The following ATF7IP variants were observed in gnomAD, a reference collection of about 807,000 sequenced individuals.
The protein encoded by ATF7IP is activating transcription factor 7 interacting protein.
In ATF7IP, 23 loss-of-function variants were observed where a neutral mutation model predicts 106.4. The ratio of observed to expected loss-of-function variants is 0.22; its 90% CI spans 0.16 to 0.31. The LOEUF is 0.31. Among genes scored for constraint, ATF7IP ranks in the 10% least tolerant of loss-of-function variants. The probability of loss-of-function intolerance (pLI) is 1.00; values close to 1 mark genes in which losing one functional copy is unlikely to be tolerated. For synonymous variants in ATF7IP, 542 were observed against 539.0 expected, an observed-to-expected ratio of 1.01 and a Z score of -0.08; for missense variants, 1,334 against 1,524.3, an observed-to-expected ratio of 0.88 and a Z score of 2.08.
At chr12:14,478,132 A>G (rs1031123824) in intron 11 of ATF7IP, among the ~76,000 whole-genome samples, 185 bp from the exon 12 acceptor site, 3 of 152,232 alleles carry the variant, frequency 2.0e-5, no homozygotes, top group East Asian at 1.9e-4. Context: ...AGCAAATTAC[A>G]TATGCTCTTA....
intron 1 of ATF7IP, among the ~76,000 whole-genome samples, chr12:14,375,074 C>T (rs1255955916): frequency 6.6e-6 from 1 of 151,652 alleles, no homozygotes; most frequent in African/African-American, 2.4e-5. Context: ...TTCCACCATG[C>T]CTCCCTTAAT....
At chr12:14,390,211 G>T (rs1939468704) in intron 1 of ATF7IP, among the ~76,000 whole-genome samples, 1 of 152,146 alleles carries the variant, frequency 6.6e-6, no homozygotes, top group Non-Finnish European at 1.5e-5. Context: ...TAACCCAAAA[G>T]AAAGTAAACA....
chr12:14,370,540 A>C (rs182739895), intron 1 of ATF7IP, among the ~76,000 whole-genome samples: 27 of 152,250 alleles, frequency 1.8e-4, no homozygotes, highest in Admixed American at 1.2e-3. Context: ...AAGCCAGCTA[A>C]TGGTTTTGGT....
chr12:14,397,211 A>G (rs1939899798), intron 1 of ATF7IP, among the ~76,000 whole-genome samples: 1 of 152,144 alleles, frequency 6.6e-6, no homozygotes, highest in Non-Finnish European at 1.5e-5. Context: ...CCAAAAAAAC[A>G]ATGAGGATAA....
Position 14,425,448 on chromosome 12 carries a change from A to G in ATF7IP, c.1533A>G (p.Ile511Met), listed in dbSNP as rs2136558762. 6.4e-7 allele frequency: 1 copy of G among 1,562,260 alleles called. No homozygotes were observed. The highest frequency in any genetic ancestry group is 2.3e-5 in the East Asian group (1 of 44,160). ...GTGAAAAAGATGAGTCTGAAGTTAT[A>G]TCGCAAAATGAAACGTGCTCTCCAG... Reference protein sequence around the residue: ...ISGEKDESEVISQNETCSPAE... With the variant: ...ISGEKDESEVMSQNETCSPAE... Residue 511 changes from isoleucine (I) to methionine (M), a missense_variant, in exon 2 of 15, where the codon ATA becomes ATG. Around this residue, in one of 10 missense-constraint regions of ATF7IP, gnomAD observed 119 missense variants for 117.8 expected, o/e 1.01. Transcript: ENST00000261168.
chr12:14,379,508 C>G lies in ATF7IP; in HGVS notation c.-8+13681C>G, dbSNP rs1005933514. Among the ~76,000 whole-genome samples, 4 of 151,914 alleles carry G rather than the reference C, an allele frequency of 2.6e-5. No individual in the cohort carries two copies. In the Admixed American group the frequency reaches 2.7e-4, roughly 10 times the overall value. ...GACCCTTGTTTTCCAAATGCTATGT[C>G]TTTTTATTGATTTATTCTGTCCTTG... On this transcript the variant is annotated intron_variant, in intron 1 of 14. Transcript: ENST00000261168.
At chr12:14,445,331 G>C (rs1942906480) in intron 5 of ATF7IP, among the ~76,000 whole-genome samples, 2 of 151,712 alleles carry the variant, frequency 1.3e-5, no homozygotes, top group Non-Finnish European at 2.9e-5. Flanking sequence ...ATTCTCGCAT[G>C]AGCTGGGGTA....
Position 14,434,276 on chromosome 12 carries a change from A to C in ATF7IP, c.1559-61A>C. ...AACTGGATAGTGACTAAAAATGTAA[A>C]TTAGTGAGCTGTTATGAATTCTAGT... On this transcript the variant is annotated intron_variant, in intron 2 of 14. Coordinates refer to ENST00000261168, the MANE Select transcript of ATF7IP (RefSeq NM_018179.5). 5.9e-6 allele frequency: 6 copies of C among 1,014,658 alleles called. No individual in the cohort carries two copies. In the South Asian group the frequency reaches 8.7e-5, roughly 15 times the overall value. 62.9% of individuals were successfully genotyped at this position (1,014,658 alleles called of 1,614,324 possible). A position where few individuals can be genotyped will look rare whatever the true frequency, so the allele number is the denominator to read the frequency against.
At chr12:14,450,045 T>C (rs75858444) in intron 6 of ATF7IP, among the ~76,000 whole-genome samples, 2,926 of 152,288 alleles carry the variant, frequency 0.019, 97 homozygotes, top group African/African-American at 0.067. Context: ...CCTGCAACAT[T>C]GCTGAGTTTA....
At chr12:14,477,957 A>T (rs558769079) in intron 11 of ATF7IP, among the ~76,000 whole-genome samples, 12 of 152,358 alleles carry the variant, frequency 7.9e-5, no homozygotes, top group African/African-American at 2.9e-4. Context: ...GTGAAAACTC[A>T]TCAGTTTATA....
rs904162638 is a variant in ATF7IP at position 14,375,041 on chromosome 12, A to G, written c.-8+9214A>G. On this transcript the variant is annotated intron_variant, in intron 1 of 14. Transcript: ENST00000261168. ...ATAAGACCACTATTAAAAGTGTAAGATTGCTTTCCACCATGCCTTGCTTTC... is the reference window on the plus strand; with the variant it reads ...ATAAGACCACTATTAAAAGTGTAAGGTTGCTTTCCACCATGCCTTGCTTTC... Among the ~76,000 whole-genome samples, 9 of 152,122 alleles carry G rather than the reference A, an allele frequency of 5.9e-5. No individual in the cohort carries two copies. The East Asian group carries it at 1.7e-3, about 29-fold the overall frequency.
At chr12:14,473,290 C>CTGTGTGTGTGTGTGTGTG (rs869266316) in intron 10 of ATF7IP, among the ~76,000 whole-genome samples, 3 of 129,938 alleles carry the variant, frequency 2.3e-5, no homozygotes, top group African/African-American at 8.9e-5. Context: ...CTCTCTCTCT[C>CTGTGTGTGTGTGTGTGTG]TGTGTGTGTG....
intron 1 of ATF7IP, among the ~76,000 whole-genome samples, chr12:14,391,283 G>A (rs915474165): frequency 2.1e-4 from 32 of 152,272 alleles, no homozygotes; most frequent in Middle Eastern, 6.8e-3. Context: ...CTTAACACTG[G>A]AGAGAGGTCT....
chr12:14,432,979 C>A (rs531835515), intron 2 of ATF7IP, among the ~76,000 whole-genome samples: 1 of 152,154 alleles, frequency 6.6e-6, no homozygotes, highest in East Asian at 1.9e-4. Flanking sequence ...CGTTTTGGTA[C>A]CTCTTGGATT....
chr12:14,430,205 A>G (rs1432774659), intron 2 of ATF7IP, among the ~76,000 whole-genome samples: 1 of 152,210 alleles, frequency 6.6e-6, no homozygotes, highest in Non-Finnish European at 1.5e-5. Context: ...TTCAGAAGCC[A>G]AGTAAAAACA....
chr12:14,478,884 T>C (rs924544214), intron 12 of ATF7IP, among the ~76,000 whole-genome samples: 1 of 152,186 alleles, frequency 6.6e-6, no homozygotes, highest in Admixed American at 6.5e-5. Context: ...TAAAGCTAAA[T>C]TGATTTTTTT....
At chr12:14,458,576 C>G (rs991005404) in intron 8 of ATF7IP, among the ~76,000 whole-genome samples, 2 of 152,158 alleles carry the variant, frequency 1.3e-5, no homozygotes, top group Admixed American at 6.5e-5. Flanking sequence ...AATCCCAGCA[C>G]TTTGGGAGGC....
chr12:14,366,646 G>T (rs1011800821), intron 1 of ATF7IP, among the ~76,000 whole-genome samples: 2 of 152,078 alleles, frequency 1.3e-5, no homozygotes, highest in Non-Finnish European at 2.9e-5. Context: ...AAGTTTCTTA[G>T]GTGACTTGTT....
chr12:14,434,508 TG>T (rs1186529179), intron 3 of ATF7IP, 85 bp downstream of exon 3: 4 of 932,200 alleles, frequency 4.3e-6, no homozygotes, highest in Non-Finnish European at 6.6e-6. Flanking sequence ...TATTCTTTTT[TG>T]CCCATGAAAT....
Sources: gnomAD v4.1 joint callset for allele counts (sites outside exome capture counted in the v4.1 genomes callset) on GRCh38, gnomAD v4.1.1 for gene constraint, gnomAD v4.1.1 regional missense constraint, MANE v1.5 for transcripts, NCBI Gene and HGNC (gene_info 2026-07-23, HGNC 2026-07-21) for gene names.